CLIC5: variants seen among roughly 807,000 people sequenced by gnomAD.
The protein encoded by CLIC5 is chloride intracellular channel protein 5.
CLIC5 carries 20 observed loss-of-function variants against 24.7 expected under a neutral mutation model. That is an observed-to-expected ratio of 0.81 (90% CI 0.57 to 1.18). CLIC5 has a LOEUF of 1.18. Ranked by LOEUF, CLIC5 falls within the 50% of genes most tolerant of loss-of-function variation. CLIC5 has a pLI of 0.00. For missense variants in CLIC5, 341 were observed against 326.1 expected (o/e 1.05, Z -0.35); for synonymous variants, 159 against 135.6 (o/e 1.17, Z -1.20).
intron 1 of CLIC5, among the ~76,000 whole-genome samples, chr6:45,968,729 AAT>A (rs1396372427): frequency 6.6e-6 from 1 of 152,238 alleles, no homozygotes; most frequent in Non-Finnish European, 1.5e-5. Context: ...CTTTGCCGTT[AAT>A]ATGAGTGCTA....
chr6:46,044,898 C>G (rs1378545184), intron 1 of CLIC5, among the ~76,000 whole-genome samples: 1 of 152,144 alleles, frequency 6.6e-6, no homozygotes, highest in Non-Finnish European at 1.5e-5. Flanking sequence ...ATTAATAACT[C>G]TCTCATAAAT....
chr6:45,987,101 T>C (rs189020884), intron 1 of CLIC5, among the ~76,000 whole-genome samples: 1 of 152,250 alleles, frequency 6.6e-6, no homozygotes, highest in Non-Finnish European at 1.5e-5. Context: ...GCAACATGAG[T>C]GGCACTGTGG....
chr6:45,958,463 T>C (rs1176559363), intron 1 of CLIC5, among the ~76,000 whole-genome samples: 2,572 of 18,124 alleles, frequency 0.14, 272 homozygotes, highest in African/African-American at 0.3. Flanking sequence ...TATATATATA[T>C]ATATATATAT....
intron 1 of CLIC5, among the ~76,000 whole-genome samples, chr6:46,001,806 G>A (rs2145): frequency 0.26 from 39,382 of 152,084 alleles, 5,569 homozygotes; most frequent in East Asian, 0.49. Flanking sequence ...GCCAGATTTC[G>A]CATGTAAAAC....
chr6:45,988,650 A>G (rs927588875), intron 1 of CLIC5, among the ~76,000 whole-genome samples: 3 of 152,248 alleles, frequency 2.0e-5, no homozygotes, highest in African/African-American at 7.2e-5. Context: ...TTGTTTTAGC[A>G]GGGTTCTATT....
At chr6:46,045,134 G>A (rs778961178) in intron 1 of CLIC5, among the ~76,000 whole-genome samples, 5 of 152,104 alleles carry the variant, frequency 3.3e-5, no homozygotes. Context: ...TCTGTGTCAA[G>A]TTTCCACAAA....
chr6:45,931,456 T>A (rs1311058571), intron 4 of CLIC5, among the ~76,000 whole-genome samples: 2 of 152,124 alleles, frequency 1.3e-5, no homozygotes, highest in African/African-American at 4.8e-5. Flanking sequence ...GACATGTCAC[T>A]GAATAGCCTC....
At chr6:45,921,829 A>G (rs538122970) in intron 4 of CLIC5, among the ~76,000 whole-genome samples, 63 of 152,246 alleles carry the variant, frequency 4.1e-4, no homozygotes, top group South Asian at 8.3e-4. Flanking sequence ...ACATTTTCTT[A>G]GTTTGACAGT....
chr6:45,916,208 T>A (rs1763026225), intron 4 of CLIC5, among the ~76,000 whole-genome samples: 1 of 152,228 alleles, frequency 6.6e-6, no homozygotes, highest in Non-Finnish European at 1.5e-5. Flanking sequence ...CTCAATACTT[T>A]CTTCTCCCTG....
intron 4 of CLIC5, among the ~76,000 whole-genome samples, chr6:45,915,702 T>A (rs1763004074): frequency 6.6e-6 from 1 of 152,168 alleles, no homozygotes; most frequent in Admixed American, 6.5e-5. Context: ...ATCTGTCACA[T>A]AATTTATTTA....
At chr6:46,067,284 A>T (rs1312733016) in intron 1 of CLIC5, among the ~76,000 whole-genome samples, 1 of 151,970 alleles carries the variant, frequency 6.6e-6, no homozygotes. Context: ...TTCCCCAAGG[A>T]GCTGATAGTC....
chr6:46,053,169 A>G (rs899232648), intron 1 of CLIC5, among the ~76,000 whole-genome samples: 7 of 152,000 alleles, frequency 4.6e-5, no homozygotes, highest in African/African-American at 1.7e-4. Flanking sequence ...AGAGAGAGAG[A>G]GGAGAGACAC....
At position 46,015,575 on chromosome 6, in the gene CLIC5, G is replaced by A. The variant is rs913060848; in HGVS notation, c.-33C>T. 9 of 1,542,664 alleles carry A rather than the reference G, an allele frequency of 5.8e-6. No homozygotes were observed. The highest frequency in any genetic ancestry group is 5.6e-5 in the African/African-American group (4 of 71,530). On this transcript the variant is annotated 5_prime_UTR_variant, in exon 1 of 6. Coordinates refer to ENST00000339561, the MANE Select transcript of CLIC5 (RefSeq NM_016929.5). ...GCGCCCGGGGCTACCGTCCCGGGCC[G>A]GGGAGGCGCCACCTCTGCAGCACCT... is the stretch of plus-strand genomic sequence containing the variant.
intron 1 of CLIC5, chr6:46,079,603 CCATGG>C: frequency 1.0e-6 from 1 of 1,003,458 alleles, no homozygotes; most frequent in South Asian, 1.6e-5. Context: ...GATCCAAGGA[CCATGG>C]CATTATGAAT....
chr6:46,051,314 T>A (rs1424299260), intron 1 of CLIC5, among the ~76,000 whole-genome samples: 1 of 152,210 alleles, frequency 6.6e-6, no homozygotes, highest in African/African-American at 2.4e-5. Context: ...AGCACAATTA[T>A]CTCAGTGTGA....
chr6:45,958,201 G>T (rs563477475), intron 1 of CLIC5, among the ~76,000 whole-genome samples: 6 of 151,684 alleles, frequency 4.0e-5, no homozygotes, highest in Admixed American at 1.3e-4. Context: ...GAAGATGAAG[G>T]CAATGATTGA....
At position 46,015,528 on chromosome 6, in the gene CLIC5, C is replaced by G; in HGVS notation, c.15G>C (p.Ala5=). The change falls in exon 1 of 6, where the codon GCG becomes GCC. Residue 5 remains alanine (A), a synonymous_variant. Coordinates refer to ENST00000339561, the MANE Select transcript of CLIC5 (RefSeq NM_016929.5). The part of the protein sequence containing the change: MTDS[A]TANGDDRDPE... ...GGTCCCTGTCGTCCCCGTTAGCTGT[C>G]GCCGAGTCTGTCATGCCGTTGGCGC... 6.3e-7 allele frequency: 1 copy of G among 1,578,836 alleles called. No individual in the cohort carries two copies. The highest frequency in any genetic ancestry group is 2.4e-5 in the East Asian group (1 of 41,890).
At chr6:46,120,655 A>T in the CLIC5 span, among the ~76,000 whole-genome samples, 1 of 152,194 alleles carries the variant, frequency 6.6e-6, no homozygotes, top group Admixed American at 6.5e-5. Context: ...GGAAGTACGA[A>T]CCCATCATAA....
chr6:45,890,609 A>G (rs1762339947), intron 6 of CLIC5, among the ~76,000 whole-genome samples: 1 of 152,150 alleles, frequency 6.6e-6, no homozygotes, highest in South Asian at 2.1e-4. Flanking sequence ...AGATGTCTGC[A>G]CTCCCATGTT....
Sources: allele counts gnomAD v4.1 joint callset (sites outside exome capture counted in the v4.1 genomes callset), GRCh38; gene constraint gnomAD v4.1.1; transcripts MANE v1.5; gene names NCBI Gene and HGNC (gene_info 2026-07-23, HGNC 2026-07-21).